The following CEP85L variants were observed in gnomAD, a reference collection of about 807,000 sequenced individuals.
CEP85L encodes the protein centrosomal protein 85L.
Under a neutral mutation model 100.3 loss-of-function variants are expected in CEP85L, and 60 were observed. The ratio of observed to expected loss-of-function variants is 0.60; its 90% confidence interval spans 0.49 to 0.74. The LOEUF (loss-of-function observed/expected upper bound fraction) is 0.74, where lower values mean the gene tolerates loss of function less well. Among genes scored for constraint, CEP85L ranks in the 30% least tolerant of loss-of-function variants. The pLI is 0.00. For missense variants in CEP85L, 973 were observed against 936.2 expected (o/e 1.04, Z -0.51); for synonymous variants, 319 against 322.7 (o/e 0.99, Z 0.12).
At chr6:118,577,376 A>G (rs1357952622) in intron 2 of CEP85L, among the ~76,000 whole-genome samples, 1 of 152,172 alleles carries the variant, frequency 6.6e-6, no homozygotes, top group African/African-American at 2.4e-5. Context: ...AACTAAGCAA[A>G]AAGGACAATC....
At chr6:118,558,684 GAGAGGGAGA>G (rs1562259792) in intron 3 of CEP85L, 2 of 526,420 alleles carry the variant, frequency 3.8e-6, no homozygotes, top group African/African-American at 3.9e-5. Context: ...GAGAGAGAGA[GAGAGGGAGA>G]GAGACTATAG....
intron 10 of CEP85L, among the ~76,000 whole-genome samples, chr6:118,477,620 G>C (rs1329756612): frequency 6.6e-6 from 1 of 152,012 alleles, no homozygotes; most frequent in East Asian, 1.9e-4. Context: ...GAAATGCAGT[G>C]CACCAAATCA....
At chr6:118,674,951 T>A (rs1776433180) in intron 1 of CEP85L, among the ~76,000 whole-genome samples, 1 of 152,230 alleles carries the variant, frequency 6.6e-6, no homozygotes, top group Admixed American at 6.5e-5. Context: ...TTAGCAATTC[T>A]ACTCCCAGGT....
chr6:118,507,064 C>T (rs765193560), intron 5 of CEP85L, among the ~76,000 whole-genome samples: 1 of 152,116 alleles, frequency 6.6e-6, no homozygotes, highest in Non-Finnish European at 1.5e-5. Flanking sequence ...ACTGACAACA[C>T]CTAAATCTCT....
intron 2 of CEP85L, among the ~76,000 whole-genome samples, chr6:118,569,295 T>C (rs1032932010): frequency 3.2e-4 from 44 of 137,014 alleles, no homozygotes; most frequent in Non-Finnish European, 1.1e-4. Context: ...TAAGCAGAGA[T>C]TGTGCCACTG....
At chr6:118,688,733 T>C (rs1161400517) in intron 1 of CEP85L, among the ~76,000 whole-genome samples, 1 of 152,170 alleles carries the variant, frequency 6.6e-6, no homozygotes, top group Non-Finnish European at 1.5e-5. Flanking sequence ...TCCTTTCCAT[T>C]TCTTTGGCCC....
At chr6:118,581,273 T>C (rs1780562194) in intron 2 of CEP85L, among the ~76,000 whole-genome samples, 1 of 152,168 alleles carries the variant, frequency 6.6e-6, no homozygotes, top group South Asian at 2.1e-4. Context: ...ACTTAATTAG[T>C]AAGGGGATTT....
upstream of CEP85L, chr6:118,652,459 A>G (rs1473520300): frequency 1.9e-5 from 24 of 1,253,902 alleles, no homozygotes; most frequent in Non-Finnish European, 2.0e-5. Flanking sequence ...TAGTTCGTAT[A>G]AAAAATTCTG....
In CEP85L at chr6:118,481,708, T is replaced by A. The variant is rs941333897; in HGVS notation, c.1745+71A>T. 3 of 907,070 alleles carry A rather than the reference T, an allele frequency of 3.3e-6. No homozygotes were observed. In the African/African-American group the frequency reaches 5.4e-5, roughly 16 times the overall value. 56.2% of individuals were successfully genotyped at this position (907,070 alleles called of 1,614,324 possible). On this transcript the variant is annotated intron_variant, in intron 8 of 12. Transcript: ENST00000368491. ...AGGAGAATAAAATAAAAATTATAAA[T>A]TAATTTAAGTAAAATGTTTTATGAA... is the stretch of plus-strand genomic sequence containing the variant.
At chr6:118,620,522 A>G (rs1250229952) in intron 2 of CEP85L, among the ~76,000 whole-genome samples, 1 of 152,202 alleles carries the variant, frequency 6.6e-6, no homozygotes, top group Non-Finnish European at 1.5e-5. Flanking sequence ...CCCCTTGCCC[A>G]CGTCCAATAT....
intron 1 of CEP85L, among the ~76,000 whole-genome samples, chr6:118,694,792 C>G (rs1777154189): frequency 6.6e-6 from 1 of 152,184 alleles, no homozygotes; most frequent in Non-Finnish European, 1.5e-5. Context: ...TACGTTTCTG[C>G]AATTGATTAC....
intron 5 of CEP85L, among the ~76,000 whole-genome samples, chr6:118,510,996 T>A (rs1437720771): frequency 6.6e-6 from 1 of 152,098 alleles, no homozygotes; most frequent in Non-Finnish European, 1.5e-5. Context: ...TACATATTCT[T>A]ATATTTTTTT....
rs1422028250 is a variant in CEP85L at position 118,465,342 on chromosome 6, A to ACAC, written c.*62_*63insGTG. 2.0e-5 allele frequency: 30 copies of ACAC among 1,482,366 alleles called. No individual in the cohort carries two copies. The African/African-American group carries it at 3.4e-4, about 17-fold the overall frequency. The allele number at this position is 1,482,366 out of a possible 1,614,324, so 91.8% of individuals were successfully genotyped here. ...GTCATGTCACTTGCAACCTTCCATT[A>ACAC]TGGCTCCATAACACAGCAGCATTTA... On this transcript the variant is annotated 3_prime_UTR_variant, in exon 13 of 13. Coordinates refer to ENST00000368491, the MANE Select transcript of CEP85L (RefSeq NM_001042475.3).
At chr6:118,518,281 T>C (rs1776405760) in intron 4 of CEP85L, among the ~76,000 whole-genome samples, 1 of 152,192 alleles carries the variant, frequency 6.6e-6, no homozygotes, top group African/African-American at 2.4e-5. Flanking sequence ...TTTTCTACTG[T>C]TTGAAATAGT....
chr6:118,594,924 G>T lies in CEP85L; in HGVS notation c.233-28608C>A, dbSNP rs192775625. Among the ~76,000 whole-genome samples the T allele has an allele frequency of 4.6e-4, 69 of 151,024 alleles. 2 individuals carry two copies. In the East Asian group the frequency reaches 0.01, roughly 23 times the overall value. ...AATTTTTGAAAAAGATAAATGAATTGCCTGAGAGCCTGCCTATCAGGAGCC... is the reference window on the plus strand; with the variant it reads ...AATTTTTGAAAAAGATAAATGAATTTCCTGAGAGCCTGCCTATCAGGAGCC... On this transcript the variant is annotated intron_variant, in intron 2 of 12. Coordinates refer to ENST00000368491, the MANE Select transcript of CEP85L (RefSeq NM_001042475.3).
At chr6:118,547,857 T>C (rs936056052) in intron 3 of CEP85L, among the ~76,000 whole-genome samples, 1 of 152,098 alleles carries the variant, frequency 6.6e-6, no homozygotes, top group African/African-American at 2.4e-5. Flanking sequence ...ATATTTCACT[T>C]TCACTAAAAG....
chr6:118,591,313 G>A (rs1263824805), intron 2 of CEP85L, among the ~76,000 whole-genome samples: 1 of 152,028 alleles, frequency 6.6e-6, no homozygotes, highest in African/African-American at 2.4e-5. Context: ...AGTACCAGAG[G>A]CTACTACTCC....
intron 1 of CEP85L, among the ~76,000 whole-genome samples, chr6:118,665,281 T>A (rs138022956): frequency 0.022 from 3,295 of 152,300 alleles, 50 homozygotes; most frequent in South Asian, 0.047. Flanking sequence ...ATCAACAAGA[T>A]GATAGGTGTG....
chr6:118,502,004 G>A (rs1010710444), intron 5 of CEP85L: 9 of 820,988 alleles, frequency 1.1e-5, no homozygotes, highest in Non-Finnish European at 1.6e-5. Flanking sequence ...CTTGTTAACA[G>A]TCAGTGGGAA....
Sources: gnomAD v4.1 joint callset for allele counts (sites outside exome capture counted in the v4.1 genomes callset) on GRCh38, gnomAD v4.1.1 for gene constraint, MANE v1.5 for transcripts, NCBI Gene and HGNC (gene_info 2026-07-23, HGNC 2026-07-21) for gene names.